Variants in KLHDC4 observed in about 807,000 individuals in gnomAD.
KLHDC4 encodes the protein kelch domain-containing protein 4.
KLHDC4 carries 90 observed loss-of-function variants against 62.4 expected under a neutral mutation model. That is an observed-to-expected ratio of 1.44 (90% CI 1.22 to 1.72). The LOEUF (loss-of-function observed/expected upper bound fraction) is 1.72, where lower values mean the gene tolerates loss of function less well. Ranked by LOEUF, KLHDC4 falls within the 40% of genes most tolerant of loss-of-function variation. KLHDC4 has a pLI of 0.00. For synonymous variants in KLHDC4, 386 were observed against 284.4 expected (o/e 1.36, Z -3.59); for missense variants, 1,025 against 699.7 (o/e 1.47, Z -5.25).
chr16:87,701,491 C>CA (rs2034141204), exon 1 of KLHDC4: 2 of 355,658 alleles, frequency 5.6e-6, no homozygotes, highest in South Asian at 4.1e-5. Context: ...AGCTTGTTCC[C>CA]AAGCCTAGGA....
chr16:87,765,857 G>T lies in KLHDC4; in HGVS notation c.34C>A (p.Arg12Ser), dbSNP rs780214580. ...GKKGKKEKKG[R>S]GAEKTAAKME... is the part of the protein sequence containing the mutation. ...TTGGCGGCCGTCTTCTCCGCGCCGCGGCCCTTCTTCTCCTTCTTGCCCTTC... is the reference window on the plus strand; with the variant it reads ...TTGGCGGCCGTCTTCTCCGCGCCGCTGCCCTTCTTCTCCTTCTTGCCCTTC... The change falls in exon 1 of 12, where the codon CGC (arginine) becomes AGC (serine). Residue 12 changes from arginine to serine, a missense_variant. Arg to Ser is a moderately radical substitution (Grantham distance 110). Transcript: ENST00000270583. The T allele has an allele frequency of 1.0e-5, 16 of 1,553,322 alleles. No individual in the cohort carries two copies. The highest frequency in any genetic ancestry group is 4.1e-5 in the African/African-American group (3 of 73,290).
At chr16:87,742,820 G>A (rs2042426392) in intron 5 of KLHDC4, among the ~76,000 whole-genome samples, 1 of 152,186 alleles carries the variant, frequency 6.6e-6, no homozygotes, top group African/African-American at 2.4e-5. Context: ...TGTTCTCTAA[G>A]TTCAGAATCA....
chr16:87,758,743 T>C (rs894358298), intron 2 of KLHDC4, among the ~76,000 whole-genome samples: 13 of 152,244 alleles, frequency 8.5e-5, no homozygotes, highest in Non-Finnish European at 1.8e-4. Context: ...CATTCGAAGC[T>C]GTCCTGGGCC....
chr16:87,707,230 G>A (rs759894250), downstream of KLHDC4, among the ~76,000 whole-genome samples: 54 of 152,356 alleles, frequency 3.5e-4, no homozygotes, highest in East Asian at 1.3e-3. Context: ...CAAGGAGGCC[G>A]CAGCGCTGAA....
chr16:87,744,041 G>T (rs4843694), intron 5 of KLHDC4, among the ~76,000 whole-genome samples: 1 of 152,088 alleles, frequency 6.6e-6, no homozygotes, highest in Admixed American at 6.5e-5. Flanking sequence ...CAATTTGGGA[G>T]GCCGAGGGGG....
chr16:87,724,428 C>A (rs1217575919), intron 7 of KLHDC4, among the ~76,000 whole-genome samples: 1 of 152,154 alleles, frequency 6.6e-6, no homozygotes, highest in African/African-American at 2.4e-5. Context: ...AGGTGACCAG[C>A]CAAGCCACTA....
At chr16:87,701,063 G>A (rs555887760) in exon 1 of KLHDC4, 1 of 192,650 alleles carries the variant, frequency 5.2e-6, no homozygotes, top group South Asian at 8.7e-5. Flanking sequence ...GAGTGCAGCT[G>A]CATTTGTTGA....
At chr16:87,742,056 G>A (rs1335470061) in intron 5 of KLHDC4, among the ~76,000 whole-genome samples, 1 of 152,108 alleles carries the variant, frequency 6.6e-6, no homozygotes, top group East Asian at 1.9e-4. Flanking sequence ...CGTCTTTGTT[G>A]TGGCTGAATC....
intron 7 of KLHDC4, among the ~76,000 whole-genome samples, chr16:87,717,032 G>A (rs568420998): frequency 6.6e-6 from 1 of 152,286 alleles, no homozygotes; most frequent in African/African-American, 2.4e-5. Flanking sequence ...AGGAGTTCAA[G>A]ACCAGCCTGG....
Position 87,709,361 on chromosome 16 carries a change from A to G in KLHDC4, c.1351T>C (p.Phe451Leu). 1 of 1,613,474 alleles carries G rather than the reference A, an allele frequency of 6.2e-7. No individual in the cohort carries two copies. The highest frequency in any genetic ancestry group is 8.5e-7 in the Non-Finnish European group (1 of 1,179,918). ...HGVLYVYGGM[F>L]EAGDRQVTLS... The stretch of plus-strand genomic sequence containing the variant: ...GTGACCTGGCGGTCGCCGGCCTCAA[A>G]CATGCCCCCATAGACGTAGAGCACC... The change falls in exon 10 of 12, where the codon TTT (phenylalanine) becomes CTT (leucine). Residue 451 changes from phenylalanine (F) to leucine (L), a missense_variant. By Grantham distance (22) the Phe-to-Leu change is conservative. Transcript: ENST00000270583.
intron 1 of KLHDC4, among the ~76,000 whole-genome samples, chr16:87,762,536 A>G (rs1250828194): frequency 1.3e-5 from 2 of 152,360 alleles, no homozygotes; most frequent in Non-Finnish European, 2.9e-5. Context: ...AGTGTCTGAT[A>G]TATTTCTCTT....
chr16:87,729,088 T>G (rs1304223148), intron 6 of KLHDC4, among the ~76,000 whole-genome samples: 1 of 152,124 alleles, frequency 6.6e-6, no homozygotes, highest in Non-Finnish European at 1.5e-5. Flanking sequence ...TAAATACTTT[T>G]TAGTTTGAAT....
At chr16:87,720,009 C>T (rs946248822) in intron 7 of KLHDC4, among the ~76,000 whole-genome samples, 1 of 152,216 alleles carries the variant, frequency 6.6e-6, no homozygotes, top group Non-Finnish European at 1.5e-5. Context: ...TGAGACCCCA[C>T]CTCCCGCAGA....
intron 2 of KLHDC4, 25 bp from the exon 3 acceptor site, chr16:87,756,502 C>G (rs1358269372): frequency 1.3e-6 from 2 of 1,579,814 alleles, no homozygotes; most frequent in African/African-American, 2.7e-5. Context: ...AGCGGCAGGT[C>G]AGCAAGATCA....
chr16:87,710,727 C>G (rs1293454575), intron 9 of KLHDC4: 4 of 153,114 alleles, frequency 2.6e-5, no homozygotes, highest in Non-Finnish European at 5.8e-5. Flanking sequence ...CAACAGCGAC[C>G]AGCCCTCCTT....
intron 5 of KLHDC4, among the ~76,000 whole-genome samples, chr16:87,744,912 T>C (rs976457046): frequency 6.6e-6 from 1 of 152,102 alleles, no homozygotes. Flanking sequence ...GTCACACACA[T>C]GCATACACAG....
At chr16:87,719,812 T>C (rs1218801783) in intron 7 of KLHDC4, among the ~76,000 whole-genome samples, 2 of 152,192 alleles carry the variant, frequency 1.3e-5, no homozygotes, top group African/African-American at 2.4e-5. Context: ...AGTGTCAACA[T>C]GGAGGGTGAG....
intron 7 of KLHDC4, among the ~76,000 whole-genome samples, chr16:87,716,362 T>C (rs1056968822): frequency 2.0e-5 from 3 of 152,174 alleles, no homozygotes; most frequent in Non-Finnish European, 4.4e-5. Context: ...ACGCGCTATG[T>C]CTCGTGGATA....
chr16:87,701,777 G>A (rs936645789), exon 1 of KLHDC4: 10 of 456,614 alleles, frequency 2.2e-5, no homozygotes, highest in South Asian at 9.3e-5. Context: ...ACACCCGTCC[G>A]CCATCCTTCT....
Sources: allele counts gnomAD v4.1 joint callset (sites outside exome capture counted in the v4.1 genomes callset), GRCh38; gene constraint gnomAD v4.1.1; transcripts MANE v1.5; gene names NCBI Gene and HGNC (gene_info 2026-07-23, HGNC 2026-07-21).